The following COL5A2 variants were observed in gnomAD, a reference collection of about 807,000 sequenced individuals.
COL5A2 encodes collagen type V alpha 2 chain.
In COL5A2, 23 loss-of-function variants were observed where a neutral mutation model predicts 208.2. That is an observed-to-expected ratio of 0.11 (90% CI 0.08 to 0.16). The LOEUF (loss-of-function observed/expected upper bound fraction) is 0.16. Ranked by LOEUF, COL5A2 falls within the 10% of genes least tolerant of loss-of-function variation. The pLI, the probability that COL5A2 is intolerant of heterozygous loss-of-function variation, is 1.00. For missense variants in COL5A2, 1,590 were observed against 1,956.4 expected (o/e 0.81, Z 3.53); for synonymous variants, 625 against 628.5 (o/e 0.99, Z 0.08).
the COL5A2 span, among the ~76,000 whole-genome samples, chr2:189,358,774 T>G: frequency 6.6e-6 from 1 of 152,214 alleles, no homozygotes; most frequent in Admixed American, 6.5e-5. Context: ...TTTATAGTTT[T>G]GTATAAAGAT....
rs1289430405 is a variant in COL5A2 at position 189,033,690 on chromosome 2, C to T, written c.*380G>A. ...GTGTTGTGGCTCTATATACCCCACTCTTTAAGCTACCTGCCAGGAAGAAGA... is the reference window on the plus strand; with the variant it reads ...GTGTTGTGGCTCTATATACCCCACTTTTTAAGCTACCTGCCAGGAAGAAGA... On this transcript the variant is annotated 3_prime_UTR_variant, in exon 54 of 54. Coordinates refer to ENST00000374866, the MANE Select transcript of COL5A2 (RefSeq NM_000393.5). 2 of 283,728 alleles carry T rather than the reference C, an allele frequency of 7.0e-6. No homozygotes were observed. Among genetic ancestry groups the T allele is most frequent in the East Asian group, 1.7e-4 (2 of 11,716 alleles). The allele number at this position is 283,728 out of a possible 1,614,324, so 17.6% of individuals were successfully genotyped here.
At chr2:189,100,350 A>T (rs1341319843) in intron 3 of COL5A2, among the ~76,000 whole-genome samples, 1 of 152,122 alleles carries the variant, frequency 6.6e-6, no homozygotes, top group Admixed American at 6.6e-5. Flanking sequence ...GACATAAAAA[A>T]ATCCAGCGTG....
intron 1 of COL5A2, among the ~76,000 whole-genome samples, chr2:189,188,343 A>G (rs1688881098): frequency 1.3e-5 from 2 of 152,192 alleles, no homozygotes; most frequent in Non-Finnish European, 2.9e-5. Flanking sequence ...TGAAAATGAA[A>G]TCACACCATA....
At chr2:189,163,594 C>T (rs543627708) in intron 1 of COL5A2, among the ~76,000 whole-genome samples, 1 of 152,262 alleles carries the variant, frequency 6.6e-6, no homozygotes, top group Admixed American at 6.5e-5. Flanking sequence ...AGGGACATAA[C>T]TACAAATCTG....
the COL5A2 span, among the ~76,000 whole-genome samples, chr2:189,323,593 A>G: frequency 6.6e-6 from 1 of 152,196 alleles, no homozygotes; most frequent in Non-Finnish European, 1.5e-5. Flanking sequence ...AGAATAAAAT[A>G]CCTAGGAATC....
chr2:189,112,125 G>A (rs1290094558), intron 1 of COL5A2, among the ~76,000 whole-genome samples: 1 of 152,098 alleles, frequency 6.6e-6, no homozygotes, highest in Admixed American at 6.5e-5. Context: ...CCAAAGTGCT[G>A]GGATTACAGC....
intron 1 of COL5A2, among the ~76,000 whole-genome samples, chr2:189,126,421 T>C (rs146871091): frequency 2.0e-5 from 3 of 152,090 alleles, no homozygotes; most frequent in African/African-American, 7.2e-5. Flanking sequence ...TTCTTAAAGT[T>C]ATTAAAAATA....
chr2:189,215,091 C>T (rs1465462118), intron 1 of COL5A2, among the ~76,000 whole-genome samples: 1 of 152,102 alleles, frequency 6.6e-6, no homozygotes, highest in East Asian at 1.9e-4. Flanking sequence ...GCATCTGAAC[C>T]TAGGTCTTCT....
the COL5A2 span, among the ~76,000 whole-genome samples, chr2:189,233,386 A>C: frequency 6.6e-6 from 1 of 151,874 alleles, no homozygotes; most frequent in East Asian, 1.9e-4. Context: ...TAAGACATTA[A>C]CATTTCTACT....
chr2:189,432,961 C>G, the COL5A2 span, among the ~76,000 whole-genome samples: 1 of 152,154 alleles, frequency 6.6e-6, no homozygotes, highest in African/African-American at 2.4e-5. Flanking sequence ...TGTAAAAGAA[C>G]AGAAATCACA....
the COL5A2 span, among the ~76,000 whole-genome samples, chr2:189,294,435 C>T: frequency 6.6e-6 from 1 of 152,208 alleles, no homozygotes; most frequent in Middle Eastern, 3.4e-3. Context: ...TGATTAGAGT[C>T]GATTAGAGGA....
chr2:189,332,966 A>G, the COL5A2 span, among the ~76,000 whole-genome samples: 1 of 152,236 alleles, frequency 6.6e-6, no homozygotes, highest in Admixed American at 6.5e-5. Context: ...TCAAAAACTC[A>G]TGGATCAAAA....
the COL5A2 span, among the ~76,000 whole-genome samples, chr2:189,423,539 AT>A: frequency 9.2e-5 from 14 of 152,234 alleles, no homozygotes; most frequent in Admixed American, 7.8e-4. Flanking sequence ...GAAACAAAAA[AT>A]ATCACAGTGG....
At chr2:189,432,904 A>G in the COL5A2 span, among the ~76,000 whole-genome samples, 1 of 152,218 alleles carries the variant, frequency 6.6e-6, no homozygotes, top group African/African-American at 2.4e-5. Flanking sequence ...CATCGCCCTC[A>G]TTCTAAAATT....
At chr2:189,054,051 A>G in intron 36 of COL5A2, 103 bp from the exon 37 acceptor site, 1 of 1,427,012 alleles carries the variant, frequency 7.0e-7, no homozygotes, top group Non-Finnish European at 9.9e-7. Context: ...AGAACTCTGA[A>G]ATGATCTTGC....
At chr2:189,175,130 T>C (rs1169559283) in intron 1 of COL5A2, among the ~76,000 whole-genome samples, 1 of 152,184 alleles carries the variant, frequency 6.6e-6, no homozygotes, top group Non-Finnish European at 1.5e-5. Flanking sequence ...TGCTTCCTTT[T>C]ATCCTTCATA....
the COL5A2 span, among the ~76,000 whole-genome samples, chr2:189,441,009 G>A: frequency 6.6e-6 from 1 of 152,188 alleles, no homozygotes; most frequent in Non-Finnish European, 1.5e-5. Context: ...GCTGTACAAG[G>A]AAGAGAAAGC....
the COL5A2 span, among the ~76,000 whole-genome samples, chr2:189,372,152 G>A: frequency 6.6e-6 from 1 of 152,290 alleles, no homozygotes; most frequent in Non-Finnish European, 1.5e-5. Context: ...TCAAGAGGGT[G>A]CAAGCCTCTA....
the COL5A2 span, among the ~76,000 whole-genome samples, chr2:189,385,796 G>T: frequency 1.3e-5 from 2 of 152,124 alleles, no homozygotes; most frequent in African/African-American, 4.8e-5. Context: ...CAATGGAACA[G>T]AATAGAAAAC....
Sources: allele counts gnomAD v4.1 joint callset (sites outside exome capture counted in the v4.1 genomes callset), GRCh38; gene constraint gnomAD v4.1.1; transcripts MANE v1.5; gene names NCBI Gene and HGNC (gene_info 2026-07-23, HGNC 2026-07-21).